Variants in PAPPA2 observed in about 807,000 individuals in gnomAD.
PAPPA2 encodes the protein pappalysin-2.
A neutral mutation model predicts 176.4 loss-of-function variants in PAPPA2; 86 were observed. The observed-to-expected ratio is 0.49, with a 90% CI of 0.41 to 0.58. PAPPA2 has a LOEUF of 0.58. PAPPA2 is among the 20% of genes least tolerant of loss of function. The probability of loss-of-function intolerance (pLI) is 0.00; values close to 1 mark genes in which losing one functional copy is unlikely to be tolerated. For synonymous variants in PAPPA2, 809 were observed against 852.2 expected (o/e 0.95, Z 0.88); for missense variants, 2,073 against 2,256.9 (o/e 0.92, Z 1.65).
In PAPPA2 at chr1:176,555,968, A is replaced by AG. The variant is rs889230615; in HGVS notation, c.-349dup. 1.1e-4 allele frequency: 24 copies of AG among 227,856 alleles called. No homozygotes were observed. Among genetic ancestry groups the AG allele is most frequent in the Admixed American group, 3.1e-4 (6 of 19,642 alleles). The allele number at this position is 227,856 out of a possible 1,614,324, so 14.1% of individuals were successfully genotyped here. The stretch of plus-strand genomic sequence containing the variant: ...TGAGGGGAGGGATTACTGAAGAAGA[A>AG]GGGGGGAAAAAAAAAGAAAGAAATC... On this transcript the variant is annotated 5_prime_UTR_variant, in exon 2 of 23. It introduces an in-frame stop codon into an upstream open reading frame of the 5' UTR. Coordinates refer to ENST00000367662, the MANE Select transcript of PAPPA2 (RefSeq NM_020318.3).
intron 3 of PAPPA2, among the ~76,000 whole-genome samples, chr1:176,638,039 C>T (rs1656825434): frequency 6.6e-6 from 1 of 152,014 alleles, no homozygotes; most frequent in South Asian, 2.1e-4. Context: ...TCCCAAGTGC[C>T]TTGCACTGTA....
intron 12 of PAPPA2, among the ~76,000 whole-genome samples, chr1:176,733,425 A>G (rs1662251843): frequency 6.6e-6 from 1 of 152,154 alleles, no homozygotes; most frequent in South Asian, 2.1e-4. Flanking sequence ...GTGCGCTGAC[A>G]GAGGAGCTCC....
intron 1 of PAPPA2, among the ~76,000 whole-genome samples, chr1:176,494,751 T>TG (rs1181457582): frequency 6.6e-6 from 1 of 152,190 alleles, no homozygotes; most frequent in Non-Finnish European, 1.5e-5. Flanking sequence ...CACTGGGAGC[T>TG]GGGCCTTAAC....
intron 3 of PAPPA2, among the ~76,000 whole-genome samples, chr1:176,650,069 G>A (rs1389303454): frequency 6.6e-6 from 1 of 151,408 alleles, no homozygotes; most frequent in Non-Finnish European, 1.5e-5. Flanking sequence ...ATATAATTGG[G>A]AGCTCCAGTG....
intron 2 of PAPPA2, among the ~76,000 whole-genome samples, chr1:176,579,467 G>A (rs180819481): frequency 9.1e-4 from 139 of 152,158 alleles, no homozygotes; most frequent in African/African-American, 3.2e-3. Flanking sequence ...TTTAGTAATG[G>A]CCAACAGGGA....
At chr1:176,518,471 AAAC>A (rs1649041104) in intron 1 of PAPPA2, among the ~76,000 whole-genome samples, 1 of 146,748 alleles carries the variant, frequency 6.8e-6, no homozygotes, top group Non-Finnish European at 1.5e-5. Flanking sequence ...AAAAAAAAAC[AAAC>A]AAACTTACCA....
At chr1:176,705,185 A>G (rs72716881) in intron 9 of PAPPA2, among the ~76,000 whole-genome samples, 5,743 of 152,260 alleles carry the variant, frequency 0.038, 157 homozygotes, top group Middle Eastern at 0.099. Flanking sequence ...TCCCCAGTAC[A>G]GTCTCTTTTC....
At chr1:176,510,332 A>T (rs2102522000) in intron 1 of PAPPA2, among the ~76,000 whole-genome samples, 1 of 152,338 alleles carries the variant, frequency 6.6e-6, no homozygotes, top group African/African-American at 2.4e-5. Context: ...AAGACAATGT[A>T]ACACCATCTT....
chr1:176,640,186 T>A (rs1558490513), intron 3 of PAPPA2, among the ~76,000 whole-genome samples: 2 of 150,610 alleles, frequency 1.3e-5, no homozygotes. Flanking sequence ...TTTTATTATT[T>A]ATTTATTTAT....
chr1:176,476,222 G>A (rs766999487), intron 1 of PAPPA2, among the ~76,000 whole-genome samples: 1 of 152,174 alleles, frequency 6.6e-6, no homozygotes, highest in Non-Finnish European at 1.5e-5. Flanking sequence ...TGAGTCCTTA[G>A]TGATGTAAAA....
intron 1 of PAPPA2, among the ~76,000 whole-genome samples, chr1:176,502,091 G>A (rs558251834): frequency 6.6e-6 from 1 of 152,268 alleles, no homozygotes; most frequent in African/African-American, 2.4e-5. Context: ...ATTTAATGTA[G>A]GAATGACCTA....
At position 176,555,465 on chromosome 1, in the gene PAPPA2, G is replaced by C. The variant is rs2102588347; in HGVS notation, c.-858G>C. ...AGCTCCCAGACTCATAAGGTTATTA[G>C]AACAGCAAACTGGCACCCCAAAGAA... On this transcript the variant is annotated 5_prime_UTR_variant, in exon 2 of 23. Transcript: ENST00000367662. 1 of 152,270 alleles carries C rather than the reference G, an allele frequency of 6.6e-6. No individual in the cohort carries two copies. Among genetic ancestry groups the C allele is most frequent in the East Asian group, 1.9e-4 (1 of 5,170 alleles). The allele number at this position is 152,270 out of a possible 1,614,324, so 9.4% of individuals were successfully genotyped here.
intron 1 of PAPPA2, among the ~76,000 whole-genome samples, chr1:176,469,801 T>C (rs1346907453): frequency 6.6e-6 from 1 of 152,180 alleles, no homozygotes; most frequent in African/African-American, 2.4e-5. Flanking sequence ...CTGGGATGCG[T>C]CAGACACTTC....
At chr1:176,545,751 T>C (rs998009853) in intron 1 of PAPPA2, among the ~76,000 whole-genome samples, 1 of 152,152 alleles carries the variant, frequency 6.6e-6, no homozygotes, top group Non-Finnish European at 1.5e-5. Context: ...AACCACAATG[T>C]CATAGCCTTC....
intron 17 of PAPPA2, among the ~76,000 whole-genome samples, chr1:176,783,042 C>T (rs1664789570): frequency 1.3e-5 from 2 of 152,068 alleles, no homozygotes; most frequent in Non-Finnish European, 2.9e-5. Flanking sequence ...CTTTTAAGTT[C>T]CAAGCTTGAG....
intron 4 of PAPPA2, among the ~76,000 whole-genome samples, chr1:176,686,418 A>G (rs1659843578): frequency 6.6e-6 from 1 of 152,150 alleles, no homozygotes; most frequent in African/African-American, 2.4e-5. Flanking sequence ...TGCCCCCATG[A>G]TTCAATTACC....
At chr1:176,563,704 G>A (rs1457097929) in intron 2 of PAPPA2, among the ~76,000 whole-genome samples, 2 of 152,164 alleles carry the variant, frequency 1.3e-5, no homozygotes, top group African/African-American at 4.8e-5. Context: ...CTATTCTTAA[G>A]ATGTCTGCCA....
At chr1:176,799,052 G>T (rs556038815) in intron 20 of PAPPA2, among the ~76,000 whole-genome samples, 1 of 152,218 alleles carries the variant, frequency 6.6e-6, no homozygotes, top group South Asian at 2.1e-4. Context: ...ATTCCTGTAG[G>T]TGCTATCTCG....
rs1487200115 is a variant in PAPPA2 at position 176,601,376 on chromosome 1, C to T, written c.1991+5781C>T. 2.0e-5 allele frequency among the ~76,000 whole-genome samples: 3 copies of T among 152,264 alleles called. No individual in the cohort carries two copies. The East Asian group carries it at 5.8e-4, about 29-fold the overall frequency. On this transcript the variant is annotated intron_variant, in intron 3 of 22. Coordinates refer to ENST00000367662, the MANE Select transcript of PAPPA2 (RefSeq NM_020318.3). ...ACAAACAAAGATGCATTCCTACCACCCCCAGCAAGAAACCAGAAATCTAGC... is the reference window on the plus strand; with the variant it reads ...ACAAACAAAGATGCATTCCTACCACTCCCAGCAAGAAACCAGAAATCTAGC...
Sources: allele counts gnomAD v4.1 joint callset (sites outside exome capture counted in the v4.1 genomes callset), GRCh38; gene constraint gnomAD v4.1.1; transcripts MANE v1.5; gene names NCBI Gene and HGNC (gene_info 2026-07-23, HGNC 2026-07-21).